The following BRWD1 variants were observed in gnomAD, a reference collection of about 807,000 sequenced individuals.
The protein encoded by BRWD1 is bromodomain and WD repeat domain containing 1, also known as bromodomain and WD repeat-containing protein 1.
A neutral mutation model predicts 251.2 loss-of-function variants in BRWD1; 82 were observed. The observed-to-expected ratio is 0.33, with a 90% confidence interval of 0.27 to 0.39. The LOEUF (loss-of-function observed/expected upper bound fraction) is 0.39, where lower values mean the gene tolerates loss of function less well. BRWD1 is among the 10% of genes least tolerant of loss of function. The probability of loss-of-function intolerance (pLI) is 1.00; values close to 1 mark genes in which losing one functional copy is unlikely to be tolerated. For synonymous variants in BRWD1, 918 were observed against 902.8 expected, an observed-to-expected ratio of 1.02 and a Z score of -0.30; for missense variants, 2,233 against 2,711.6, an observed-to-expected ratio of 0.82 and a Z score of 3.92.
intron 14 of BRWD1, 102 bp downstream of exon 14, chr21:39,270,181 C>T: frequency 2.4e-6 from 3 of 1,244,572 alleles, no homozygotes; most frequent in Non-Finnish European, 3.2e-6. Context: ...TCATAGTTTA[C>T]ATGAGAGAAA....
chr21:39,270,534 G>A (rs1308121850), intron 13 of BRWD1, 101 bp from the exon 14 acceptor site: 2 of 1,012,946 alleles, frequency 2.0e-6, no homozygotes, highest in African/African-American at 3.3e-5. Context: ...CAACCCATGT[G>A]CCTATCTTAT....
intron 4 of BRWD1, among the ~76,000 whole-genome samples, chr21:39,310,065 TTC>T (rs747514804): frequency 6.6e-6 from 1 of 152,216 alleles, no homozygotes; most frequent in Non-Finnish European, 1.5e-5. Flanking sequence ...ATATGCAACA[TTC>T]TCTGATAATC....
At chr21:39,294,151 C>T in intron 7 of BRWD1, 119 bp from the exon 8 acceptor site, 1 of 741,384 alleles carries the variant, frequency 1.3e-6, no homozygotes, top group Non-Finnish European at 2.2e-6. Flanking sequence ...AGAATACTCT[C>T]TTATTTATGT....
chr21:39,313,583 A>G lies in BRWD1; in HGVS notation c.-92T>C. On this transcript the variant is annotated 5_prime_UTR_variant, in exon 1 of 41. It removes the in-frame stop codon of an upstream open reading frame in the 5' UTR. Transcript: ENST00000342449. ...GACCGGGCTGGCGTCCCCTCTTCTC[A>G]GGCGCGCGCCGCCGCCGCCGCCGCC... The G allele has an allele frequency of 9.5e-7, 1 of 1,057,362 alleles. No individual in the cohort carries two copies. The highest frequency in any genetic ancestry group is 1.2e-6 in the Non-Finnish European group (1 of 851,668). The allele number at this position is 1,057,362 out of a possible 1,614,324, so 65.5% of individuals were successfully genotyped here.
chr21:39,272,336 C>T (rs2035142734), intron 13 of BRWD1, among the ~76,000 whole-genome samples: 1 of 148,916 alleles, frequency 6.7e-6, no homozygotes, highest in African/African-American at 2.5e-5. Context: ...ACCATCCTGG[C>T]TAACATGGTG....
intron 13 of BRWD1, among the ~76,000 whole-genome samples, chr21:39,273,460 G>A (rs1036164352): frequency 6.6e-6 from 1 of 152,186 alleles, no homozygotes; most frequent in Non-Finnish European, 1.5e-5. Context: ...AGCTACAGCA[G>A]AGAATATAAG....
Position 39,194,982 on chromosome 21 carries a change from AAGTTAGGAATGG to A in BRWD1, c.*1265_*1276del. On this transcript the variant is annotated 3_prime_UTR_variant, in exon 41 of 41. Transcript: ENST00000342449. ...ATCAAGTCCATCTTCAGGCACAAAC[AAGTTAGGAATGG>A]CCATCTACACTGGAGTAGCATAACC... 1 of 1,437,566 alleles carries A rather than the reference AAGTTAGGAATGG, an allele frequency of 7.0e-7. No homozygotes were observed. Among genetic ancestry groups the A allele is most frequent in the Admixed American group, 2.7e-5 (1 of 37,030 alleles). 89.1% of individuals were successfully genotyped at this position (1,437,566 alleles called of 1,614,324 possible).
Position 39,219,419 on chromosome 21 carries a change from C to CA in BRWD1, c.3383-760dup, listed in dbSNP as rs77615957. 325 of 130,622 alleles carry CA rather than the reference C, an allele frequency of 2.5e-3. 1 individual carries two copies. Among genetic ancestry groups the CA allele is most frequent in the Middle Eastern group, 0.012 (3 of 260 alleles). 8.1% of individuals were successfully genotyped at this position (130,622 alleles called of 1,614,324 possible). On this transcript the variant is annotated intron_variant, in intron 29 of 40. Transcript: ENST00000342449. The stretch of plus-strand genomic sequence containing the variant: ...TGGGCAACAGGGCAAGACTCTGTCT[C>CA]AAAAAAAAAAAAAGGAGAAAATCTG...
intron 29 of BRWD1, among the ~76,000 whole-genome samples, chr21:39,222,880 A>C (rs2033232917): frequency 6.6e-6 from 1 of 152,182 alleles, no homozygotes; most frequent in Non-Finnish European, 1.5e-5. Context: ...TACCCCCTAA[A>C]TCAAATTATT....
At chr21:39,272,147 A>T (rs1479133825) in intron 13 of BRWD1, among the ~76,000 whole-genome samples, 1 of 151,670 alleles carries the variant, frequency 6.6e-6, no homozygotes, top group Non-Finnish European at 1.5e-5. Context: ...TAAGAAGTAA[A>T]ATGGAGGCCG....
chr21:39,239,742 G>T (rs1292572400), intron 21 of BRWD1, among the ~76,000 whole-genome samples: 7 of 152,150 alleles, frequency 4.6e-5, no homozygotes, highest in Non-Finnish European at 7.4e-5. Context: ...TACAGATGAT[G>T]CTGGAAAGAA....
intron 36 of BRWD1, among the ~76,000 whole-genome samples, chr21:39,209,183 C>T (rs1477370156): frequency 1.3e-5 from 2 of 152,092 alleles, no homozygotes; most frequent in Non-Finnish European, 2.9e-5. Flanking sequence ...CGCAACCCAT[C>T]AGATAACATA....
intron 10 of BRWD1, among the ~76,000 whole-genome samples, chr21:39,277,690 A>T (rs1385601774): frequency 1.3e-5 from 2 of 151,978 alleles, no homozygotes; most frequent in African/African-American, 4.8e-5. Flanking sequence ...CAGCCTGCTG[A>T]GTAGCTGGGA....
At chr21:39,231,249 ATGT>A (rs1378549494) in intron 25 of BRWD1, among the ~76,000 whole-genome samples, 3 of 152,320 alleles carry the variant, frequency 2.0e-5, no homozygotes, top group Non-Finnish European at 2.9e-5. Flanking sequence ...TGACATTTTG[ATGT>A]TGTTCTTTTG....
intron 17 of BRWD1, among the ~76,000 whole-genome samples, chr21:39,262,184 C>G (rs1049109821): frequency 1.3e-5 from 2 of 152,126 alleles, no homozygotes; most frequent in Non-Finnish European, 2.9e-5. Flanking sequence ...ACTGAGTAAA[C>G]TGAAGAGAGA....
intron 22 of BRWD1, among the ~76,000 whole-genome samples, chr21:39,237,422 T>A (rs1194047724): frequency 3.9e-5 from 6 of 152,024 alleles, no homozygotes; most frequent in African/African-American, 1.4e-4. Context: ...GAAATAATAA[T>A]AAAAATAAAG....
chr21:39,202,221 G>A (rs184264358), intron 38 of BRWD1, 104 bp downstream of exon 38: 6 of 735,414 alleles, frequency 8.2e-6, no homozygotes, highest in African/African-American at 3.5e-5. Context: ...AGTTCTTTCA[G>A]TGTCAAGGCC....
chr21:39,279,906 T>C (rs1392252265), intron 9 of BRWD1, among the ~76,000 whole-genome samples: 1 of 152,162 alleles, frequency 6.6e-6, no homozygotes, highest in Non-Finnish European at 1.5e-5. Flanking sequence ...TGCCTTACTT[T>C]GTCTTTGCAA....
chr21:39,282,222 AAC>A (rs2146710312), intron 8 of BRWD1, among the ~76,000 whole-genome samples: 1 of 152,294 alleles, frequency 6.6e-6, no homozygotes, highest in Non-Finnish European at 1.5e-5. Context: ...CAGCCTGGGC[AAC>A]AGAGTGAGAC....
Sources: allele counts gnomAD v4.1 joint callset (sites outside exome capture counted in the v4.1 genomes callset), GRCh38; gene constraint gnomAD v4.1.1; transcripts MANE v1.5; gene names NCBI Gene and HGNC (gene_info 2026-07-23, HGNC 2026-07-21).